THSD7B: variants seen among roughly 807,000 people sequenced by gnomAD.
THSD7B encodes the protein thrombospondin type-1 domain-containing protein 7B.
THSD7B carries 138 observed loss-of-function variants against 213.6 expected under a neutral mutation model. The ratio of observed to expected loss-of-function variants is 0.65; its 90% CI spans 0.56 to 0.74. The LOEUF (loss-of-function observed/expected upper bound fraction) is 0.74, where lower values mean the gene tolerates loss of function less well. Ranked by LOEUF, THSD7B falls within the 30% of genes least tolerant of loss-of-function variation. The pLI, the probability that THSD7B is intolerant of heterozygous loss-of-function variation, is 0.00. For synonymous variants in THSD7B, 742 were observed against 687.0 expected (o/e 1.08, Z -1.25); for missense variants, 1,931 against 1,991.5 (o/e 0.97, Z 0.58).
intron 15 of THSD7B, among the ~76,000 whole-genome samples, chr2:137,535,651 T>C (rs920447448): frequency 2.6e-5 from 4 of 151,744 alleles, no homozygotes; most frequent in Admixed American, 2.6e-4. Context: ...CCTAGGAACA[T>C]GACAGTCAAA....
chr2:137,622,897 A>G (rs534185415), intron 20 of THSD7B, among the ~76,000 whole-genome samples: 8 of 152,320 alleles, frequency 5.3e-5, no homozygotes, highest in African/African-American at 1.2e-4. Context: ...TCTACCAGAG[A>G]TACAAAGAGG....
At chr2:137,286,769 T>G (rs13404706) in intron 12 of THSD7B, among the ~76,000 whole-genome samples, 42,420 of 152,066 alleles carry the variant, frequency 0.28, 6,231 homozygotes, top group South Asian at 0.45. Flanking sequence ...CTTCGAGGTT[T>G]GGACAAAAAT....
chr2:136,901,587 G>A (rs1484360730), intron 2 of THSD7B, among the ~76,000 whole-genome samples: 5 of 152,094 alleles, frequency 3.3e-5, no homozygotes, highest in Non-Finnish European at 2.9e-5. Context: ...TCACTGCTTA[G>A]GTTAAATTTT....
intron 1 of THSD7B, among the ~76,000 whole-genome samples, chr2:136,808,601 G>A (rs1682326070): frequency 1.3e-5 from 2 of 152,196 alleles, no homozygotes; most frequent in Admixed American, 1.3e-4. Context: ...GCTTAGATGT[G>A]TGACTTTCAA....
chr2:136,980,543 G>T (rs908096291), intron 2 of THSD7B, among the ~76,000 whole-genome samples: 6 of 152,198 alleles, frequency 3.9e-5, no homozygotes, highest in African/African-American at 1.4e-4. Context: ...CACAGCTGCT[G>T]TGCTGCACTG....
chr2:137,118,290 G>GT (rs1433225314), intron 5 of THSD7B, among the ~76,000 whole-genome samples: 1 of 152,106 alleles, frequency 6.6e-6, no homozygotes, highest in Non-Finnish European at 1.5e-5. Context: ...AAGCCACTCA[G>GT]TTTGCATTCC....
chr2:137,434,572 G>A (rs762384597), intron 14 of THSD7B, among the ~76,000 whole-genome samples: 15 of 152,166 alleles, frequency 9.9e-5, no homozygotes, highest in Admixed American at 6.5e-5. Context: ...GGTCTTTCAC[G>A]AGCTCATGGC....
chr2:137,032,891 C>T (rs893240643), intron 2 of THSD7B, among the ~76,000 whole-genome samples: 1 of 152,128 alleles, frequency 6.6e-6, no homozygotes, highest in Non-Finnish European at 1.5e-5. Flanking sequence ...TGGGAATGAA[C>T]CATACTGGAT....
At chr2:137,550,343 T>G (rs1235836864) in intron 15 of THSD7B, among the ~76,000 whole-genome samples, 3 of 152,154 alleles carry the variant, frequency 2.0e-5, no homozygotes, top group Admixed American at 6.6e-5. Context: ...CAATAATTTA[T>G]GTTGCTGATT....
At chr2:136,856,057 T>C (rs1485204836) in intron 1 of THSD7B, among the ~76,000 whole-genome samples, 1 of 152,212 alleles carries the variant, frequency 6.6e-6, no homozygotes, top group African/African-American at 2.4e-5. Flanking sequence ...CACTTTTTCA[T>C]TTCCTTAGTG....
intron 20 of THSD7B, among the ~76,000 whole-genome samples, chr2:137,625,498 G>C (rs78736656): frequency 6.6e-6 from 1 of 151,720 alleles, no homozygotes; most frequent in Non-Finnish European, 1.5e-5. Context: ...AGAAAAATAG[G>C]CCTGAATAAA....
chr2:136,993,127 C>T (rs564906227), intron 2 of THSD7B, among the ~76,000 whole-genome samples: 45 of 152,236 alleles, frequency 3.0e-4, no homozygotes, highest in Non-Finnish European at 5.0e-4. Flanking sequence ...CATGAAAAAC[C>T]GAGGATTGTC....
intron 15 of THSD7B, among the ~76,000 whole-genome samples, chr2:137,548,045 A>G (rs1680775078): frequency 6.6e-6 from 1 of 151,960 alleles, no homozygotes; most frequent in Non-Finnish European, 1.5e-5. Context: ...GTCACACATG[A>G]CGTCAGATTT....
chr2:137,297,898 C>T (rs896302009), intron 12 of THSD7B, among the ~76,000 whole-genome samples: 2 of 152,198 alleles, frequency 1.3e-5, no homozygotes, highest in East Asian at 3.9e-4. Flanking sequence ...TGTAAATTGC[C>T]CAGTCTTGGA....
At chr2:136,883,523 G>A (rs529240443) in intron 2 of THSD7B, among the ~76,000 whole-genome samples, 1 of 152,078 alleles carries the variant, frequency 6.6e-6, no homozygotes, top group East Asian at 1.9e-4. Context: ...TTCCTTTCTG[G>A]GAATGGGGTT....
rs778085954 is a variant in THSD7B at position 137,233,167 on chromosome 2, C to T, written c.2150+34C>T. 3.8e-6 allele frequency: 6 copies of T among 1,562,036 alleles called. No individual in the cohort carries two copies. In the South Asian group the frequency reaches 6.9e-5, roughly 18 times the overall value. On this transcript the variant is annotated intron_variant, in intron 9 of 27. Coordinates refer to ENST00000409968, the MANE Select transcript of THSD7B (RefSeq NM_001316349.2). ...TAGGCTGTTACTGAAAATGCATTTGCTTATTTCATGTTGAGTATTTTTAGT... is the reference window on the plus strand; with the variant it reads ...TAGGCTGTTACTGAAAATGCATTTGTTTATTTCATGTTGAGTATTTTTAGT...
At chr2:136,862,450 T>C (rs1222812239) in intron 1 of THSD7B, among the ~76,000 whole-genome samples, 4 of 152,190 alleles carry the variant, frequency 2.6e-5, no homozygotes, top group Non-Finnish European at 5.9e-5. Flanking sequence ...TTGCTGAACA[T>C]TGAACACCTG....
intron 2 of THSD7B, among the ~76,000 whole-genome samples, chr2:136,910,326 G>C (rs903703031): frequency 6.6e-6 from 1 of 152,134 alleles, no homozygotes; most frequent in Non-Finnish European, 1.5e-5. Context: ...TCTTGGCCAT[G>C]GTAGTGGCAT....
intron 2 of THSD7B, among the ~76,000 whole-genome samples, chr2:136,906,935 G>A (rs1440032559): frequency 1.2e-4 from 8 of 67,432 alleles, no homozygotes; most frequent in Non-Finnish European, 2.4e-4. Context: ...TACATTTCAA[G>A]GTTTTTTTTT....
Sources: allele counts gnomAD v4.1 joint callset (sites outside exome capture counted in the v4.1 genomes callset), GRCh38; gene constraint gnomAD v4.1.1; transcripts MANE v1.5; gene names NCBI Gene and HGNC (gene_info 2026-07-23, HGNC 2026-07-21).